IQCH: variants seen among roughly 807,000 people sequenced by gnomAD.
The protein encoded by IQCH is IQ motif containing H, also known as IQ domain-containing protein H.
A neutral mutation model predicts 117.0 loss-of-function variants in IQCH; 98 were observed. That is an observed-to-expected ratio of 0.84 (90% confidence interval 0.71 to 0.99). The LOEUF (loss-of-function observed/expected upper bound fraction) is 0.99. Among genes scored for constraint, IQCH ranks in the 50% least tolerant of loss-of-function variants. The pLI is 0.00. For synonymous variants in IQCH, 412 were observed against 448.2 expected, an observed-to-expected ratio of 0.92 and a Z score of 1.02; for missense variants, 1,102 against 1,243.8, an observed-to-expected ratio of 0.89 and a Z score of 1.72.
At chr15:67,446,402 T>C (rs2082392678) in intron 16 of IQCH, among the ~76,000 whole-genome samples, 1 of 152,108 alleles carries the variant, frequency 6.6e-6, no homozygotes, top group Non-Finnish European at 1.5e-5. Context: ...GTGCATTGAA[T>C]TTTAGAAGAG....
chr15:67,285,979 A>C (rs536981771), intron 4 of IQCH, among the ~76,000 whole-genome samples: 1 of 152,286 alleles, frequency 6.6e-6, no homozygotes, highest in Admixed American at 6.5e-5. Context: ...GAAGAATGTC[A>C]TTGGTACTTT....
At position 67,424,484 on chromosome 15, in the gene IQCH, T is replaced by C. The variant is rs1461820643; in HGVS notation, c.2505+2907T>C. 6.6e-6 allele frequency among the ~76,000 whole-genome samples: 1 copy of C among 152,244 alleles called. No individual in the cohort carries two copies. The highest frequency in any genetic ancestry group is 1.5e-5 in the Non-Finnish European group (1 of 68,044). On this transcript the variant is annotated intron_variant, in intron 16 of 20. Transcript: ENST00000335894. This position sits in a 1 kb window ranked among gnomAD's most constrained non-coding sequence, Gnocchi z 4.9. ...ATTAATATTTTTCTCCTCCTATTAA[T>C]TGTAAGCTCTTTTAAGCGATGTGCT...
Position 67,475,828 on chromosome 15 carries a change from G to A in IQCH, c.2799+10G>A. On this transcript the variant is annotated intron_variant, in intron 18 of 20. Coordinates refer to ENST00000335894, the MANE Select transcript of IQCH (RefSeq NM_001031715.3). This position sits in a 1 kb window ranked among gnomAD's most constrained non-coding sequence, Gnocchi z 5.7. ...TGGCTATGATGTTGAGGTATGAAGG[G>A]TTACAGTTGGCCAGGGGCGGCCAAA... 1 of 1,612,984 alleles carries A rather than the reference G, an allele frequency of 6.2e-7. No homozygotes were observed. Among genetic ancestry groups the A allele is most frequent in the Non-Finnish European group, 8.5e-7 (1 of 1,179,442 alleles).
At chr15:67,283,505 C>T (rs1375149721) in intron 4 of IQCH, among the ~76,000 whole-genome samples, 1 of 151,702 alleles carries the variant, frequency 6.6e-6, no homozygotes, top group Non-Finnish European at 1.5e-5. Context: ...AAAAATGTAA[C>T]ATGGTGTGAT....
At chr15:67,358,870 G>C (rs1282444203) in intron 7 of IQCH, among the ~76,000 whole-genome samples, 1 of 152,228 alleles carries the variant, frequency 6.6e-6, no homozygotes, top group Non-Finnish European at 1.5e-5. Context: ...TATCAGCACT[G>C]GTGGGCTGTG....
At chr15:67,429,423 T>A (rs1398757395) in intron 16 of IQCH, among the ~76,000 whole-genome samples, 1 of 151,906 alleles carries the variant, frequency 6.6e-6, no homozygotes, top group Non-Finnish European at 1.5e-5. Flanking sequence ...GAGACTGAGG[T>A]AGGAGGATAA....
chr15:67,498,020 T>C (rs187855026), intron 20 of IQCH, among the ~76,000 whole-genome samples: 222 of 152,266 alleles, frequency 1.5e-3, no homozygotes, highest in Non-Finnish European at 2.7e-3. Context: ...CTAAAATTCA[T>C]GTGGAAACAT....
rs200357046 is a variant in IQCH, at chr15:67,372,062, G to A, written c.754-49G>A. The A allele has an allele frequency of 1.1e-4, 155 of 1,463,232 alleles. 1 individual carries two copies. The East Asian group carries it at 3.1e-3, about 30-fold the overall frequency. 90.6% of individuals were successfully genotyped at this position (1,463,232 alleles called of 1,614,324 possible). A position where few individuals can be genotyped will look rare whatever the true frequency, so the allele number is the denominator to read the frequency against. ...GTGTGTCTTGACCACTCATTTAAAG[G>A]AGATCATAATATCTTTCACTTCTAA... On this transcript the variant is annotated intron_variant, in intron 8 of 20. Transcript: ENST00000335894.
intron 4 of IQCH, among the ~76,000 whole-genome samples, chr15:67,312,971 T>C (rs1160736866): frequency 6.6e-6 from 1 of 152,132 alleles, no homozygotes; most frequent in Non-Finnish European, 1.5e-5. Context: ...TAAGTACCCA[T>C]AGACTAGAGT....
intron 16 of IQCH, among the ~76,000 whole-genome samples, chr15:67,440,693 A>G (rs2082245854): frequency 1.3e-5 from 2 of 152,228 alleles, no homozygotes; most frequent in Admixed American, 1.3e-4. Context: ...CTGTCAGCAA[A>G]ATCGGCATAC....
chr15:67,340,841 C>A (rs1303008436), intron 5 of IQCH, among the ~76,000 whole-genome samples: 1 of 152,156 alleles, frequency 6.6e-6, no homozygotes, highest in Non-Finnish European at 1.5e-5. Flanking sequence ...TAAGGAACTT[C>A]CTGAATTACA....
chr15:67,338,205 GTCTATCTATCTA>G (rs10528833), intron 5 of IQCH, among the ~76,000 whole-genome samples: 5 of 105,524 alleles, frequency 4.7e-5, no homozygotes, highest in South Asian at 2.8e-4. Flanking sequence ...ATATCTGTCT[GTCTATCTATCTA>G]TCTATCTATC....
At chr15:67,283,076 G>A (rs369211776) in intron 4 of IQCH, among the ~76,000 whole-genome samples, 11 of 152,148 alleles carry the variant, frequency 7.2e-5, no homozygotes, top group Admixed American at 3.3e-4. Flanking sequence ...GATAACTGGC[G>A]AAATCAATAT....
At position 67,481,280 on chromosome 15, in the gene IQCH, T is replaced by A. The variant is rs920988948; in HGVS notation, c.2799+5462T>A. 7.9e-5 allele frequency among the ~76,000 whole-genome samples: 12 copies of A among 152,340 alleles called. No individual in the cohort carries two copies. The highest frequency in any genetic ancestry group is 2.9e-4 in the African/African-American group (12 of 41,580). On this transcript the variant is annotated intron_variant, in intron 18 of 20. Transcript: ENST00000335894. This position sits in a 1 kb window ranked among gnomAD's most constrained non-coding sequence, Gnocchi z 4.1. ...GGTTTAATTGACTCCCAGTTCTGCA[T>A]GCCTGGGGAGGTCTCAGGAAACTTA...
At chr15:67,326,281 T>C (rs1170065315) in intron 4 of IQCH, among the ~76,000 whole-genome samples, 2 of 152,226 alleles carry the variant, frequency 1.3e-5, no homozygotes, top group Admixed American at 6.5e-5. Context: ...TCCATGTCCC[T>C]ACAAAGGACA....
rs751961158 is a variant in IQCH, at chr15:67,388,983, C to A, written c.1609C>A (p.Pro537Thr). The part of the protein sequence containing the change: ...DLQDRFKIIT[P>T]EAVNIFPKHH... ...GCAGGACAGGTTCAAAATTATCACA[C>A]CTGAAGCTGTAAACATCTTCCCTGT... Residue 537 changes from proline (P) to threonine (T), a missense_variant, in exon 12 of 21, where the codon CCT becomes ACT. This residue lies in a region of IQCH where 650 missense variants were observed against 794.3 expected (regional missense o/e 0.82). Coordinates refer to ENST00000335894, the MANE Select transcript of IQCH (RefSeq NM_001031715.3). This position sits in a 1 kb window ranked among gnomAD's most constrained non-coding sequence, Gnocchi z 5.5. 1.9e-6 allele frequency: 3 copies of A among 1,613,604 alleles called. No homozygotes were observed. Among genetic ancestry groups the A allele is most frequent in the Non-Finnish European group, 8.5e-7 (1 of 1,179,682 alleles).
Position 67,436,962 on chromosome 15 carries a change from A to G in IQCH, c.2505+15385A>G, listed in dbSNP as rs1204699379. On this transcript the variant is annotated intron_variant, in intron 16 of 20. Transcript: ENST00000335894. This position sits in a 1 kb window ranked among gnomAD's most constrained non-coding sequence, Gnocchi z 5.1. ...CACCCCCACCTGATGGTCCTTCCCT[A>G]TCCACCCTGGTAGCAGAAGACAAAG... Among the ~76,000 whole-genome samples the G allele has an allele frequency of 6.8e-6, 1 of 147,498 alleles. No homozygotes were observed. Among genetic ancestry groups the G allele is most frequent in the Non-Finnish European group, 1.5e-5 (1 of 67,212 alleles).
At chr15:67,309,974 C>A (rs969751642) in intron 4 of IQCH, among the ~76,000 whole-genome samples, 1 of 150,578 alleles carries the variant, frequency 6.6e-6, no homozygotes, top group Admixed American at 6.7e-5. Flanking sequence ...TAATGGGTAC[C>A]TAATAAGGTT....
Position 67,263,226 on chromosome 15 carries a change from A to G in IQCH, c.269+10A>G. 7.4e-7 allele frequency: 1 copy of G among 1,358,292 alleles called. No individual in the cohort carries two copies. The highest frequency in any genetic ancestry group is 1.0e-6 in the Non-Finnish European group (1 of 952,910). The allele number at this position is 1,358,292 out of a possible 1,614,324, so 84.1% of individuals were successfully genotyped here. Reference sequence around the variant, plus strand: ...CCCAGGCTTCCAAATGGTAAGTAAAATAGCCATTTAGAGCCCAAAGTAAAT... The same window carrying G: ...CCCAGGCTTCCAAATGGTAAGTAAAGTAGCCATTTAGAGCCCAAAGTAAAT... On this transcript the variant is annotated intron_variant, in intron 3 of 20. Coordinates refer to ENST00000335894, the MANE Select transcript of IQCH (RefSeq NM_001031715.3).
Sources: gnomAD v4.1 joint callset for allele counts (sites outside exome capture counted in the v4.1 genomes callset) on GRCh38, gnomAD v4.1.1 for gene constraint, gnomAD v4.1.1 regional missense constraint, Gnocchi (gnomAD v3.1) non-coding constraint, MANE v1.5 for transcripts, NCBI Gene and HGNC (gene_info 2026-07-23, HGNC 2026-07-21) for gene names.